WWOX: variants seen among roughly 807,000 people sequenced by gnomAD.
WWOX encodes the protein WW domain-containing oxidoreductase.
Under a neutral mutation model 46.2 loss-of-function variants are expected in WWOX, and 69 were observed. That is an observed-to-expected ratio of 1.49 (90% confidence interval 1.23 to 1.82). The LOEUF (loss-of-function observed/expected upper bound fraction) is 1.82. Among genes scored for constraint, WWOX ranks in the 40% most tolerant of loss-of-function variants. The pLI, the probability that WWOX is intolerant of heterozygous loss-of-function variation, is 0.00. For synonymous variants in WWOX, 359 were observed against 202.6 expected (o/e 1.77, Z -6.56); for missense variants, 919 against 542.6 (o/e 1.69, Z -6.89).
intron 8 of WWOX, among the ~76,000 whole-genome samples, chr16:78,778,389 C>A (rs566111478): frequency 6.6e-6 from 1 of 152,166 alleles, no homozygotes; most frequent in African/African-American, 2.4e-5. Context: ...AGCAAGACCA[C>A]AAACTAATAA....
intron 8 of WWOX, among the ~76,000 whole-genome samples, chr16:79,047,438 G>C (rs1445343215): frequency 1.3e-5 from 2 of 152,160 alleles, no homozygotes; most frequent in African/African-American, 4.8e-5. Flanking sequence ...ATCGACTGAG[G>C]AATGTCAGCC....
chr16:78,970,765 GT>G (rs1248148963), intron 8 of WWOX, among the ~76,000 whole-genome samples: 2 of 152,064 alleles, frequency 1.3e-5, no homozygotes, highest in Non-Finnish European at 2.9e-5. Context: ...CTTATTAGTC[GT>G]GATTCTTGGG....
At chr16:78,391,268 C>T (rs572019531) in intron 6 of WWOX, among the ~76,000 whole-genome samples, 1 of 152,166 alleles carries the variant, frequency 6.6e-6, no homozygotes, top group Non-Finnish European at 1.5e-5. Flanking sequence ...TGCTAGGCAA[C>T]TTGTTGTTTG....
chr16:79,179,099 A>T (rs1046674182), intron 8 of WWOX, among the ~76,000 whole-genome samples: 3 of 152,200 alleles, frequency 2.0e-5, no homozygotes, highest in African/African-American at 7.2e-5. Context: ...CCTGCTAAGG[A>T]CACATGGGGG....
At chr16:78,866,934 A>G (rs1195513516) in intron 8 of WWOX, among the ~76,000 whole-genome samples, 1 of 152,208 alleles carries the variant, frequency 6.6e-6, no homozygotes, top group African/African-American at 2.4e-5. Flanking sequence ...AGCTTCAAAT[A>G]TGAACCCTTG....
chr16:79,045,381 A>T (rs1567511278), intron 8 of WWOX, among the ~76,000 whole-genome samples: 1 of 152,052 alleles, frequency 6.6e-6, no homozygotes, highest in Admixed American at 6.6e-5. Flanking sequence ...TGTAGCTTGG[A>T]GTGTGGCCTG....
At chr16:79,144,099 A>G (rs1015354308) in intron 8 of WWOX, among the ~76,000 whole-genome samples, 17 of 152,198 alleles carry the variant, frequency 1.1e-4, no homozygotes, top group South Asian at 2.1e-4. Flanking sequence ...GAGTATTGCT[A>G]TGTTGCCCAG....
At chr16:79,094,243 C>CTTTTTTTTT (rs746687673) in intron 8 of WWOX, among the ~76,000 whole-genome samples, 15 of 138,372 alleles carry the variant, frequency 1.1e-4, no homozygotes, top group East Asian at 4.2e-4. Context: ...TGAGGTTTTT[C>CTTTTTTTTT]TTTTTTTTTT....
chr16:78,113,928 T>A (rs1179099992), intron 3 of WWOX, among the ~76,000 whole-genome samples: 1 of 152,064 alleles, frequency 6.6e-6, no homozygotes, highest in Admixed American at 6.6e-5. Context: ...TAAACTAATT[T>A]TACACACACA....
intron 8 of WWOX, among the ~76,000 whole-genome samples, chr16:78,809,171 C>G (rs1317313249): frequency 6.6e-6 from 1 of 151,972 alleles, no homozygotes; most frequent in Non-Finnish European, 1.5e-5. Flanking sequence ...CATAGGAGAA[C>G]TTGTGCAAAT....
At chr16:78,364,501 A>G (rs9930135) in intron 5 of WWOX, among the ~76,000 whole-genome samples, 4,439 of 152,142 alleles carry the variant, frequency 0.029, 184 homozygotes, top group African/African-American at 0.095. Flanking sequence ...ACTTTGTGTC[A>G]TATATAATTT....
intron 8 of WWOX, among the ~76,000 whole-genome samples, chr16:78,520,687 T>G (rs2043328946): frequency 6.6e-6 from 1 of 151,740 alleles, no homozygotes; most frequent in South Asian, 2.1e-4. Flanking sequence ...AAGTCTAGGG[T>G]ACGTGGGGAG....
chr16:78,314,269 A>G (rs1004864146), intron 5 of WWOX, among the ~76,000 whole-genome samples: 31 of 151,444 alleles, frequency 2.0e-4, no homozygotes, highest in Admixed American at 9.2e-4. Flanking sequence ...TTAGCCAGGC[A>G]TGGTGGTGGG....
intron 8 of WWOX, among the ~76,000 whole-genome samples, chr16:78,653,517 A>C (rs1457619679): frequency 6.6e-6 from 1 of 152,338 alleles, no homozygotes; most frequent in South Asian, 2.1e-4. Context: ...GGTGCTTATG[A>C]GGAAGGTTTC....
At chr16:78,809,555 G>C (rs2051134242) in intron 8 of WWOX, among the ~76,000 whole-genome samples, 1 of 152,088 alleles carries the variant, frequency 6.6e-6, no homozygotes, top group South Asian at 2.1e-4. Flanking sequence ...CAAATAGGTA[G>C]AAGTTAGCCT....
At chr16:78,419,259 T>C (rs73571085) in intron 6 of WWOX, among the ~76,000 whole-genome samples, 2,577 of 152,256 alleles carry the variant, frequency 0.017, 69 homozygotes, top group African/African-American at 0.057. Context: ...AAAATTTCAG[T>C]TGACTTTTTT....
chr16:78,654,703 A>G (rs1009223104), intron 8 of WWOX, among the ~76,000 whole-genome samples: 2 of 152,004 alleles, frequency 1.3e-5, no homozygotes, highest in Non-Finnish European at 2.9e-5. Flanking sequence ...CCAGTATGAA[A>G]CCTAAAAATA....
intron 8 of WWOX, among the ~76,000 whole-genome samples, chr16:78,958,235 C>T (rs143744444): frequency 2.5e-4 from 38 of 152,166 alleles, no homozygotes; most frequent in African/African-American, 8.2e-4. Context: ...CTGAATATTT[C>T]GGTTCTTTAT....
intron 8 of WWOX, among the ~76,000 whole-genome samples, chr16:78,850,355 G>A (rs2052411544): frequency 6.6e-6 from 1 of 152,072 alleles, no homozygotes; most frequent in Non-Finnish European, 1.5e-5. Context: ...CATCCCGAGT[G>A]TTTCACTTAA....
Sources: allele counts gnomAD v4.1 joint callset (sites outside exome capture counted in the v4.1 genomes callset), GRCh38; gene constraint gnomAD v4.1.1; transcripts MANE v1.5; gene names NCBI Gene and HGNC (gene_info 2026-07-23, HGNC 2026-07-21).